TECR: variants seen among roughly 807,000 people sequenced by gnomAD.
TECR encodes very-long-chain enoyl-CoA reductase.
In TECR, 19 loss-of-function variants were observed where a neutral mutation model predicts 50.6. That is an observed-to-expected ratio of 0.38 (90% CI 0.26 to 0.55). The LOEUF (loss-of-function observed/expected upper bound fraction) is 0.55. Among genes scored for constraint, TECR ranks in the 20% least tolerant of loss-of-function variants. The pLI is 0.79. For missense variants in TECR, 313 were observed against 408.3 expected, an observed-to-expected ratio of 0.77 and a Z score of 2.01; for synonymous variants, 168 against 163.5, an observed-to-expected ratio of 1.03 and a Z score of -0.21.
rs764143365 is a variant in TECR at position 14,564,144 on chromosome 19, C to T, written c.384-38C>T. On this transcript the variant is annotated intron_variant, in intron 6 of 12. Transcript: ENST00000215567. ...AGGGTAGGGGAAGGCAGAAGACCTG[C>T]CGGACCAGCCCCAGCTGAGCCTGCT... 3.7e-6 allele frequency: 6 copies of T among 1,605,820 alleles called. No homozygotes were observed. The Admixed American group carries it at 6.7e-5, about 18-fold the overall frequency.
upstream of TECR, among the ~76,000 whole-genome samples, chr19:14,528,088 T>C (rs930515713): frequency 9.2e-5 from 14 of 151,758 alleles, no homozygotes; most frequent in African/African-American, 3.4e-4. Flanking sequence ...TTCACCACGT[T>C]GTCCAGGCTG....
At chr19:14,550,495 C>T (rs532529267) in intron 1 of TECR, among the ~76,000 whole-genome samples, 13 of 151,960 alleles carry the variant, frequency 8.6e-5, no homozygotes, top group Non-Finnish European at 1.6e-4. Flanking sequence ...CTTCCTGGTC[C>T]GACAGCGCCT....
chr19:14,553,344 G>T (rs2073605300), intron 1 of TECR, among the ~76,000 whole-genome samples: 1 of 152,168 alleles, frequency 6.6e-6, no homozygotes, highest in Admixed American at 6.5e-5. Flanking sequence ...ACAGGTAGAA[G>T]ACAGGAGCAG....
chr19:14,546,114 T>C (rs1424578331), intron 1 of TECR, among the ~76,000 whole-genome samples: 1 of 152,100 alleles, frequency 6.6e-6, no homozygotes, highest in Admixed American at 6.6e-5. Context: ...GGGGACCAAG[T>C]CCTTCTGCAC....
In TECR at chr19:14,539,105, C is replaced by T. The variant is rs547502176; in HGVS notation, c.15+9394C>T. ...TCTCCTGCCTCAGCCTCCTGAGTAGCTGGGACTACAGGCGCCCACCACCAC... is the reference window on the plus strand; with the variant it reads ...TCTCCTGCCTCAGCCTCCTGAGTAGTTGGGACTACAGGCGCCCACCACCAC... On this transcript the variant is annotated intron_variant, in intron 1 of 12. Transcript: ENST00000215567. 2.1e-3 allele frequency among the ~76,000 whole-genome samples: 311 copies of T among 148,242 alleles called. 1 individual carries two copies. The highest frequency in any genetic ancestry group is 7.5e-3 in the African/African-American group (300 of 40,086).
At chr19:14,557,830 A>G (rs2081980) in intron 1 of TECR, among the ~76,000 whole-genome samples, 59,806 of 151,248 alleles carry the variant, frequency 0.4, 12,117 homozygotes, top group Non-Finnish European at 0.43. Flanking sequence ...ATCTCGGTTC[A>G]CTGCAAGCTC....
chr19:14,564,292 G>A lies in TECR; in HGVS notation c.489+5G>A. On this transcript the variant is annotated splice_donor_5th_base_variant and intron_variant, in intron 7 of 12. Coordinates refer to ENST00000215567, the MANE Select transcript of TECR (RefSeq NM_138501.6). ...CCTTTGCGCAACATCTTCAAGGTGA[G>A]AGCCCGTCCCCGCCTCACCCCTAAG... The A allele has an allele frequency of 6.3e-7, 1 of 1,599,876 alleles. No individual in the cohort carries two copies. Among genetic ancestry groups the A allele is most frequent in the Non-Finnish European group, 8.5e-7 (1 of 1,177,582 alleles).
chr19:14,542,260 C>T (rs73002849), intron 1 of TECR, among the ~76,000 whole-genome samples: 43,675 of 151,168 alleles, frequency 0.29, 7,613 homozygotes, highest in Non-Finnish European at 0.4. Context: ...ACACCATGCC[C>T]GACCACATTC....
At chr19:14,549,373 C>T (rs1024337916) in intron 1 of TECR, among the ~76,000 whole-genome samples, 4 of 151,962 alleles carry the variant, frequency 2.6e-5, no homozygotes, top group Non-Finnish European at 4.4e-5. Context: ...CCACCATGCC[C>T]AGCTAACTTT....
intron 1 of TECR, among the ~76,000 whole-genome samples, chr19:14,549,456 G>C (rs912904266): frequency 5.9e-5 from 9 of 151,952 alleles, no homozygotes; most frequent in Admixed American, 5.2e-4. Flanking sequence ...TGAAGACCTT[G>C]TGATCTGCCC....
intron 11 of TECR, 99 bp from the exon 12 acceptor site, chr19:14,565,519 C>T: frequency 6.5e-7 from 1 of 1,527,816 alleles, no homozygotes; most frequent in Non-Finnish European, 8.8e-7. Flanking sequence ...ATCCCTGACT[C>T]AGAAAGCAGG....
At chr19:14,558,051 G>A (rs925291948) in intron 1 of TECR, among the ~76,000 whole-genome samples, 1 of 152,172 alleles carries the variant, frequency 6.6e-6, no homozygotes, top group Non-Finnish European at 1.5e-5. Flanking sequence ...CACCACGCCC[G>A]GCCTATATTT....
chr19:14,546,632 T>A (rs916359879), intron 1 of TECR, among the ~76,000 whole-genome samples: 2 of 152,126 alleles, frequency 1.3e-5, no homozygotes, highest in Non-Finnish European at 2.9e-5. Context: ...TAGCCTGGAT[T>A]TTTCTTTCTA....
At chr19:14,564,627 T>A in intron 7 of TECR, 159 bp from the exon 8 acceptor site, 1 of 418,372 alleles carries the variant, frequency 2.4e-6, no homozygotes, top group South Asian at 1.8e-5. Flanking sequence ...AGCCCTGCCC[T>A]AGCCTCACCC....
intron 1 of TECR, among the ~76,000 whole-genome samples, chr19:14,555,154 C>T (rs1198625182): frequency 6.6e-6 from 1 of 151,816 alleles, no homozygotes; most frequent in African/African-American, 2.4e-5. Flanking sequence ...TCATGGCTCA[C>T]TGCAGCCTGG....
intron 7 of TECR, 48 bp downstream of exon 7, chr19:14,564,335 A>G (rs868534964): frequency 5.2e-6 from 5 of 959,738 alleles, no homozygotes; most frequent in Non-Finnish European, 6.3e-6. Flanking sequence ...TTTCTGCCCC[A>G]CCCCGCCCCG....
At chr19:14,544,195 C>G (rs182504646) in intron 1 of TECR, among the ~76,000 whole-genome samples, 13 of 152,110 alleles carry the variant, frequency 8.5e-5, no homozygotes, top group Admixed American at 3.9e-4. Flanking sequence ...CGAGAAGCCT[C>G]TGCCCCTGAC....
chr19:14,549,774 C>G (rs1392483920), intron 1 of TECR, among the ~76,000 whole-genome samples: 2 of 151,930 alleles, frequency 1.3e-5, no homozygotes, highest in African/African-American at 2.4e-5. Flanking sequence ...GAAACCCCAT[C>G]TCTACTAAAA....
At chr19:14,545,565 C>T (rs943264839) in intron 1 of TECR, among the ~76,000 whole-genome samples, 5 of 152,202 alleles carry the variant, frequency 3.3e-5, no homozygotes, top group Admixed American at 6.5e-5. Flanking sequence ...GCCCTTGGAT[C>T]GCTGCCCGCA....
Sources: gnomAD v4.1 joint callset for allele counts (sites outside exome capture counted in the v4.1 genomes callset) on GRCh38, gnomAD v4.1.1 for gene constraint, MANE v1.5 for transcripts, NCBI Gene and HGNC (gene_info 2026-07-23, HGNC 2026-07-21) for gene names.